ABHD18: variants seen among roughly 807,000 people sequenced by gnomAD.
ABHD18 encodes cardiolipin-specific deacylase, mitochondrial.
In ABHD18, 55 loss-of-function variants were observed where a neutral mutation model predicts 65.9. The observed-to-expected ratio is 0.84, with a 90% CI of 0.67 to 1.05. ABHD18 has a LOEUF of 1.05. ABHD18 is among the 50% of genes least tolerant of loss of function. The probability of loss-of-function intolerance (pLI) is 0.00; values close to 1 mark genes in which losing one functional copy is unlikely to be tolerated. For synonymous variants in ABHD18, 181 were observed against 180.2 expected (o/e 1.00, Z -0.04); for missense variants, 533 against 558.5 (o/e 0.95, Z 0.46).
Position 128,035,803 on chromosome 4 carries a change from AC to A in ABHD18, c.1386del (p.Tyr462Ter). On this transcript the variant is annotated frameshift_variant, in exon 13 of 13. Transcript: ENST00000645843. LOFTEE classifies it high-confidence loss of function. ...YDAFDRFLHK[Y>X]AN ...GCATTTGACCGCTTCCTCCATAAAT[AC>A]GCTAACTAGTTGGATTATTATATGT... is the stretch of plus-strand genomic sequence containing the variant. 1 of 1,535,906 alleles carries A rather than the reference AC, an allele frequency of 6.5e-7. No homozygotes were observed. The highest frequency in any genetic ancestry group is 8.8e-7 in the Non-Finnish European group (1 of 1,136,208).
At chr4:128,030,761 T>G (rs1758095107) in intron 12 of ABHD18, 89 bp downstream of exon 12, 2 of 1,505,178 alleles carry the variant, frequency 1.3e-6, no homozygotes, top group Non-Finnish European at 1.8e-6. Context: ...ATCACATATT[T>G]TTATAGTCTG....
chr4:128,007,673 T>A (rs997108832), intron 4 of ABHD18, among the ~76,000 whole-genome samples: 35 of 149,748 alleles, frequency 2.3e-4, no homozygotes, highest in Non-Finnish European at 4.3e-4. Context: ...CCCAGGAAGT[T>A]AAGGCTGCAG....
intron 10 of ABHD18, among the ~76,000 whole-genome samples, chr4:128,024,126 A>C (rs1200714607): frequency 6.6e-6 from 1 of 152,212 alleles, no homozygotes; most frequent in Non-Finnish European, 1.5e-5. Flanking sequence ...GAGGCTAGAA[A>C]GTCCAAGGTT....
At chr4:127,988,616 A>G (rs934828298) in intron 3 of ABHD18, among the ~76,000 whole-genome samples, 1 of 152,208 alleles carries the variant, frequency 6.6e-6, no homozygotes, top group Non-Finnish European at 1.5e-5. Context: ...TGCCTGGCCA[A>G]CATTTTACAT....
intron 10 of ABHD18, among the ~76,000 whole-genome samples, chr4:128,023,683 A>G (rs1209787155): frequency 6.6e-6 from 1 of 152,044 alleles, no homozygotes; most frequent in African/African-American, 2.4e-5. Flanking sequence ...GATCGAGACC[A>G]TATTGGCCAA....
chr4:127,978,225 TG>T (rs1318742706), intron 1 of ABHD18, among the ~76,000 whole-genome samples: 1 of 152,136 alleles, frequency 6.6e-6, no homozygotes, highest in Non-Finnish European at 1.5e-5. Context: ...TGAAAATTTT[TG>T]TGGGTACATA....
chr4:128,028,892 G>A (rs1438241363), intron 11 of ABHD18, 39 bp downstream of exon 11: 4 of 1,422,340 alleles, frequency 2.8e-6, no homozygotes, highest in African/African-American at 1.4e-5. Context: ...ATTTGCTGAT[G>A]TGTAAGTATT....
intron 4 of ABHD18, among the ~76,000 whole-genome samples, chr4:127,990,605 A>G (rs1036830004): frequency 2.0e-5 from 3 of 152,040 alleles, no homozygotes; most frequent in Non-Finnish European, 2.9e-5. Context: ...TACAATGTAC[A>G]TGTGTTGATT....
chr4:127,992,256 G>A (rs1235272756), intron 4 of ABHD18, among the ~76,000 whole-genome samples: 3 of 152,110 alleles, frequency 2.0e-5, no homozygotes, highest in Admixed American at 2.0e-4. Flanking sequence ...CGGATCACCT[G>A]ACATCAGGAG....
chr4:128,001,433 A>G (rs187786180), intron 4 of ABHD18, among the ~76,000 whole-genome samples: 22 of 152,306 alleles, frequency 1.4e-4, no homozygotes, highest in Admixed American at 1.2e-3. Context: ...GGTGAATAAC[A>G]TTTATTAATT....
At chr4:128,027,509 G>A (rs776944648) in intron 10 of ABHD18, among the ~76,000 whole-genome samples, 104 of 151,976 alleles carry the variant, frequency 6.8e-4, no homozygotes, top group Non-Finnish European at 1.2e-3. Flanking sequence ...AGATTTAAGC[G>A]ATTCTCCTGC....
rs866283783 is a variant in ABHD18, at chr4:127,989,913, C to A, written c.278+92C>A. The A allele has an allele frequency of 2.3e-4, 164 of 710,326 alleles. No individual in the cohort carries two copies. In the African/African-American group the frequency reaches 2.7e-3, roughly 12 times the overall value. 44.0% of individuals were successfully genotyped at this position (710,326 alleles called of 1,614,324 possible). A position where few individuals can be genotyped will look rare whatever the true frequency, so the allele number is the denominator to read the frequency against. ...CTATGTTATTTGAAATTAGGAGTAACAAGGCAGGCCTAAATTATTGAAAAG... is the reference window on the plus strand; with the variant it reads ...CTATGTTATTTGAAATTAGGAGTAAAAAGGCAGGCCTAAATTATTGAAAAG... On this transcript the variant is annotated intron_variant, in intron 4 of 12. Coordinates refer to ENST00000645843, the MANE Select transcript of ABHD18 (RefSeq NM_001358451.3).
intron 10 of ABHD18, among the ~76,000 whole-genome samples, chr4:128,026,995 T>C (rs1757468694): frequency 1.3e-5 from 2 of 152,136 alleles, no homozygotes; most frequent in Admixed American, 1.3e-4. Flanking sequence ...TTGGCCAGGC[T>C]AGTCTTGAAT....
At chr4:128,020,285 A>G in intron 9 of ABHD18, 116 bp downstream of exon 9, 1 of 711,182 alleles carries the variant, frequency 1.4e-6, no homozygotes, top group Non-Finnish European at 2.5e-6. Context: ...TATAGGACTC[A>G]GGATATAGTC....
intron 12 of ABHD18, among the ~76,000 whole-genome samples, chr4:128,031,689 G>C (rs920625448): frequency 6.6e-6 from 1 of 152,116 alleles, no homozygotes; most frequent in African/African-American, 2.4e-5. Flanking sequence ...TGTTAACGGA[G>C]GAAATAATTT....
chr4:127,971,067 C>G (rs1227151804), intron 1 of ABHD18, among the ~76,000 whole-genome samples: 3 of 147,958 alleles, frequency 2.0e-5, no homozygotes, highest in African/African-American at 7.5e-5. Flanking sequence ...AAGAGCCAGA[C>G]TCTGTCTCAA....
intron 4 of ABHD18, among the ~76,000 whole-genome samples, chr4:127,996,917 CTGT>C (rs1199797681): frequency 6.6e-6 from 1 of 152,210 alleles, no homozygotes. Context: ...CTGAAAATCG[CTGT>C]TGTTCTGTTC....
chr4:128,029,537 T>A (rs1163671332), intron 11 of ABHD18, among the ~76,000 whole-genome samples: 1 of 152,016 alleles, frequency 6.6e-6, no homozygotes, highest in Non-Finnish European at 1.5e-5. Context: ...AAAAATTAGC[T>A]GGGTGGCCGG....
rs1167728243 is a variant in ABHD18 at position 128,008,261 on chromosome 4, CTTTTTTTTT to C, written c.279-639_279-631del. ...TGGGCAACAGAGTGAGACTCCGTTC[CTTTTTTTTT>C]TTTTTTTTTTTTTTTTTTTGAGACG... On this transcript the variant is annotated intron_variant, in intron 4 of 12. Transcript: ENST00000645843. 3.6e-3 allele frequency among the ~76,000 whole-genome samples: 350 copies of C among 97,758 alleles called. 4 individuals carry two copies. The highest frequency in any genetic ancestry group is 0.015 in the African/African-American group (330 of 22,272). 64.1% of individuals were successfully genotyped at this position (97,758 alleles called of 152,430 possible).
Sources: gnomAD v4.1 joint callset for allele counts (sites outside exome capture counted in the v4.1 genomes callset) on GRCh38, gnomAD v4.1.1 for gene constraint, MANE v1.5 for transcripts, NCBI Gene and HGNC (gene_info 2026-07-23, HGNC 2026-07-21) for gene names.